The following PLS3 variants were observed in gnomAD, a reference collection of about 807,000 sequenced individuals.
PLS3 encodes the protein plastin 3.
PLS3 carries 11 observed loss-of-function variants against 46.5 expected under a neutral mutation model. That is an observed-to-expected ratio of 0.24 (90% CI 0.15 to 0.39). The LOEUF (loss-of-function observed/expected upper bound fraction) is 0.39, where lower values mean the gene tolerates loss of function less well. Ranked by LOEUF, PLS3 falls within the 10% of genes least tolerant of loss-of-function variation. The pLI, the probability that PLS3 is intolerant of heterozygous loss-of-function variation, is 1.00. For synonymous variants in PLS3, 167 were observed against 162.2 expected (o/e 1.03, Z -0.22); for missense variants, 308 against 461.8 (o/e 0.67, Z 3.05).
chrX:115,647,866 C>A, intron 14 of PLS3, 27 bp from the exon 15 acceptor site: 1 of 1,199,442 alleles, frequency 8.3e-7, no homozygotes, highest in Non-Finnish European at 1.1e-6. Flanking sequence ...TATCAAAATT[C>A]TCAGATTTGT....
At chrX:115,593,382 GC>G (rs1433621128) in intron 1 of PLS3, among the ~76,000 whole-genome samples, 1 of 110,723 alleles carries the variant, frequency 9.0e-6, no homozygotes, top group Non-Finnish European at 1.9e-5. Context: ...CTCTGTAAAT[GC>G]TGCATTTAAA....
intron 1 of PLS3, among the ~76,000 whole-genome samples, chrX:115,603,678 G>A (rs1603230588): frequency 9.0e-6 from 1 of 110,781 alleles, no homozygotes; most frequent in East Asian, 2.9e-4. Flanking sequence ...AGGAGGCTGA[G>A]GCAGGAGGAT....
chrX:115,630,408 C>T (rs963617846), intron 5 of PLS3, among the ~76,000 whole-genome samples: 2 of 110,448 alleles, frequency 1.8e-5, no homozygotes, highest in Non-Finnish European at 3.8e-5. Flanking sequence ...TCAACACTGC[C>T]AGTCGATGTT....
rs188190226 is a variant in PLS3, at chrX:115,649,087, A to G, written c.1761-342A>G. Among the ~76,000 whole-genome samples, 15 of 111,703 alleles carry G rather than the reference A, an allele frequency of 1.3e-4. No individual in the cohort carries two copies. In the East Asian group the frequency reaches 4.0e-3, roughly 30 times the overall value. ...CTCTAAGATGACTTGAGTGTGTGTT[A>G]TTATGTGTGCAATGAGAATATTAAC... On this transcript the variant is annotated intron_variant, in intron 15 of 15. Coordinates refer to ENST00000355899, the MANE Select transcript of PLS3 (RefSeq NM_005032.7).
chrX:115,572,863 G>A (rs2074224499), intron 1 of PLS3, among the ~76,000 whole-genome samples: 1 of 110,957 alleles, frequency 9.0e-6, no homozygotes, highest in Non-Finnish European at 1.9e-5. Context: ...GGAGGCCGAG[G>A]CAAGTGGATA....
At chrX:115,624,792 G>A (rs2074694344) in intron 3 of PLS3, among the ~76,000 whole-genome samples, 1 of 111,984 alleles carries the variant, frequency 8.9e-6, no homozygotes, top group Non-Finnish European at 1.9e-5. Context: ...AACAACATTC[G>A]TGAGGACATT....
chrX:115,569,411 T>G (rs1556630452), intron 1 of PLS3, among the ~76,000 whole-genome samples: 2 of 112,070 alleles, frequency 1.8e-5, no homozygotes, highest in African/African-American at 6.5e-5. Flanking sequence ...GACTATTTGC[T>G]GATATGCCCT....
chrX:115,609,525 A>G (rs1307094113), intron 1 of PLS3, among the ~76,000 whole-genome samples: 2 of 111,931 alleles, frequency 1.8e-5, no homozygotes, highest in Non-Finnish European at 3.8e-5. Context: ...ATGGACTGCA[A>G]AAATTTTCCT....
At chrX:115,625,481 TTTGA>T (rs1399024984) in intron 3 of PLS3, among the ~76,000 whole-genome samples, 3 of 110,507 alleles carry the variant, frequency 2.7e-5, no homozygotes, top group African/African-American at 9.9e-5. Flanking sequence ...ACTTTTTTTC[TTTGA>T]TTGTTAAACT....
Position 115,645,118 on chromosome X carries a change from A to G in PLS3, c.1262+19A>G. ...TCTATGCGTAAGCCTTCCTACTGCT[A>G]TTGTAAACAGTTACGAATGTCATGA... is the stretch of plus-strand genomic sequence containing the variant. On this transcript the variant is annotated intron_variant, in intron 11 of 15. Transcript: ENST00000355899. 5.2e-6 allele frequency: 5 copies of G among 966,177 alleles called. No homozygotes were observed. Among genetic ancestry groups the G allele is most frequent in the East Asian group, 3.1e-5 (1 of 32,247 alleles). 79.6% of individuals were successfully genotyped at this position (966,177 alleles called of 1,213,427 possible).
At chrX:115,598,292 CAA>C (rs782523501) in intron 1 of PLS3, among the ~76,000 whole-genome samples, 22 of 65,352 alleles carry the variant, frequency 3.4e-4, no homozygotes, top group Middle Eastern at 9.5e-3. Context: ...GATTCTATTT[CAA>C]AAAAAAAAAA....
At chrX:115,605,394 G>A (rs1357400340) in intron 1 of PLS3, among the ~76,000 whole-genome samples, 4 of 111,754 alleles carry the variant, frequency 3.6e-5, no homozygotes, top group African/African-American at 1.3e-4. Flanking sequence ...ATTAATTTTT[G>A]GACTAAACTG....
chrX:115,609,878 C>T (rs1471029148), intron 1 of PLS3, among the ~76,000 whole-genome samples: 5 of 111,945 alleles, frequency 4.5e-5, no homozygotes, highest in Non-Finnish European at 9.4e-5. Context: ...ATGATACTTT[C>T]CGTGAATCAT....
chrX:115,594,475 A>G (rs1412508575), intron 1 of PLS3, among the ~76,000 whole-genome samples: 1 of 112,067 alleles, frequency 8.9e-6, no homozygotes, highest in African/African-American at 3.2e-5. Flanking sequence ...TAAGCAAGGT[A>G]TATAACACTG....
intron 1 of PLS3, among the ~76,000 whole-genome samples, chrX:115,568,569 G>A (rs1556630374): frequency 2.7e-5 from 3 of 111,516 alleles, no homozygotes; most frequent in African/African-American, 9.8e-5. Flanking sequence ...TTGAACATTT[G>A]TTTCCATATC....
intron 1 of PLS3, 113 bp from the exon 2 acceptor site, chrX:115,610,130 T>G: frequency 5.8e-6 from 2 of 342,423 alleles, no homozygotes; most frequent in South Asian, 2.1e-4. Flanking sequence ...CTATTCAGAT[T>G]GTTTTGATAG....
chrX:115,610,762 T>C, intron 2 of PLS3: 1 of 541,769 alleles, frequency 1.8e-6, no homozygotes, highest in Non-Finnish European at 2.7e-6. Context: ...TTTGGCGTTA[T>C]TGACTTTTTT....
intron 7 of PLS3, among the ~76,000 whole-genome samples, chrX:115,635,361 G>C (rs1405194985): frequency 2.7e-5 from 3 of 110,122 alleles, no homozygotes; most frequent in African/African-American, 9.9e-5. Flanking sequence ...CTTCTACCCC[G>C]TTGCCACCCT....
intron 1 of PLS3, among the ~76,000 whole-genome samples, chrX:115,570,721 C>T (rs1409775892): frequency 9.3e-6 from 1 of 107,074 alleles, no homozygotes; most frequent in Non-Finnish European, 1.9e-5. Flanking sequence ...CCCCATGTTG[C>T]CCAGGCTGGC....
Sources: gnomAD v4.1 joint callset for allele counts (sites outside exome capture counted in the v4.1 genomes callset) on GRCh38, gnomAD v4.1.1 for gene constraint, MANE v1.5 for transcripts, NCBI Gene and HGNC (gene_info 2026-07-23, HGNC 2026-07-21) for gene names.